Variants in OTULINL observed in about 807,000 individuals in gnomAD.
The protein encoded by OTULINL is OTU deubiquitinase with linear linkage specificity like, also known as inactive ubiquitin thioesterase OTULINL.
Under a neutral mutation model 43.9 loss-of-function variants are expected in OTULINL, and 42 were observed. The observed-to-expected ratio is 0.96, with a 90% CI of 0.75 to 1.24. The LOEUF (loss-of-function observed/expected upper bound fraction) is 1.24. Among genes scored for constraint, OTULINL ranks in the 50% most tolerant of loss-of-function variants. The probability of loss-of-function intolerance (pLI) is 0.00; values close to 1 mark genes in which losing one functional copy is unlikely to be tolerated. For missense variants in OTULINL, 411 were observed against 426.4 expected, an observed-to-expected ratio of 0.96 and a Z score of 0.32; for synonymous variants, 172 against 153.6, an observed-to-expected ratio of 1.12 and a Z score of -0.88.
At chr5:14,587,102 C>T (rs1380754046) in intron 1 of OTULINL, among the ~76,000 whole-genome samples, 2 of 152,186 alleles carry the variant, frequency 1.3e-5, no homozygotes, top group African/African-American at 4.8e-5. Flanking sequence ...TTCTCTGTAG[C>T]ATTTAGTCTC....
chr5:14,590,611 TG>T (rs1759183968), intron 1 of OTULINL, among the ~76,000 whole-genome samples: 1 of 152,152 alleles, frequency 6.6e-6, no homozygotes, highest in African/African-American at 2.4e-5. Context: ...GCTTCTGCAG[TG>T]TGGTCCCATC....
At chr5:14,607,091 G>T (rs543559182) in intron 5 of OTULINL, among the ~76,000 whole-genome samples, 1 of 152,066 alleles carries the variant, frequency 6.6e-6, no homozygotes, top group Non-Finnish European at 1.5e-5. Flanking sequence ...TTAGCTGGGC[G>T]TGGTGGCTCA....
chr5:14,582,324 C>G (rs1759018843), intron 1 of OTULINL, among the ~76,000 whole-genome samples: 1 of 151,986 alleles, frequency 6.6e-6, no homozygotes, highest in Non-Finnish European at 1.5e-5. Context: ...AGGTCGCGCC[C>G]TGCGCCTGGG....
At position 14,612,234 on chromosome 5, in the gene OTULINL, T is replaced by C. The variant is rs17296541; in HGVS notation, c.*1920T>C. On this transcript the variant is annotated 3_prime_UTR_variant, in exon 8 of 8. Coordinates refer to ENST00000274217, the MANE Select transcript of OTULINL (RefSeq NM_019018.3). The stretch of plus-strand genomic sequence containing the variant: ...CATGGGCTGCTGTGGCTGATACTTA[T>C]AGAATTGTTGCTCCAAAATTTTGGC... The C allele has an allele frequency of 0.1, 15,778 of 152,318 alleles. 891 individuals carry two copies. The highest frequency in any genetic ancestry group is 0.15 in the African/African-American group (6,290 of 41,554). The allele number at this position is 152,318 out of a possible 1,614,324, so 9.4% of individuals were successfully genotyped here. A position where few individuals can be genotyped will look rare whatever the true frequency, so the allele number is the denominator to read the frequency against.
intron 1 of OTULINL, among the ~76,000 whole-genome samples, chr5:14,583,413 A>G (rs1759051253): frequency 6.6e-6 from 1 of 152,234 alleles, no homozygotes; most frequent in South Asian, 2.1e-4. Context: ...ACTTTTTATT[A>G]TGTTATTTTC....
intron 1 of OTULINL, among the ~76,000 whole-genome samples, chr5:14,589,893 G>C (rs535531508): frequency 6.6e-6 from 1 of 152,198 alleles, no homozygotes; most frequent in Non-Finnish European, 1.5e-5. Context: ...AGAGGTTGCG[G>C]ATCATGCCAC....
At chr5:14,607,824 G>A (rs532693686) in intron 6 of OTULINL, among the ~76,000 whole-genome samples, 94 of 152,314 alleles carry the variant, frequency 6.2e-4, no homozygotes, top group African/African-American at 2.2e-3. Flanking sequence ...TGGCACAGAT[G>A]TAATAATTTG....
rs1373541112 is a variant in OTULINL at position 14,616,126 on chromosome 5, G to T, written c.*5812G>T. 6.6e-6 allele frequency among the ~76,000 whole-genome samples: 1 copy of T among 152,176 alleles called. No individual in the cohort carries two copies. ...AAGTTTCTAAACACTTTCAGTTTCT[G>T]TACTTAATCTTGCAGTGTGGTAATA... On this transcript the variant is annotated 3_prime_UTR_variant, in exon 8 of 8. Transcript: ENST00000274217.
At position 14,610,450 on chromosome 5, in the gene OTULINL, G is replaced by A; in HGVS notation, c.*136G>A. On this transcript the variant is annotated 3_prime_UTR_variant, in exon 8 of 8. Coordinates refer to ENST00000274217, the MANE Select transcript of OTULINL (RefSeq NM_019018.3). Reference sequence around the variant, plus strand: ...TTTCTTCAGGATTACAGGTACACTGGATGCAGCCATGCATGGATGGTTTTT... The same window carrying A: ...TTTCTTCAGGATTACAGGTACACTGAATGCAGCCATGCATGGATGGTTTTT... 3 of 846,068 alleles carry A rather than the reference G, an allele frequency of 3.5e-6. No individual in the cohort carries two copies. Among genetic ancestry groups the A allele is most frequent in the Admixed American group, 5.5e-5 (2 of 36,174 alleles). The allele number at this position is 846,068 out of a possible 1,614,324, so 52.4% of individuals were successfully genotyped here.
chr5:14,591,907 T>A (rs946326045), intron 1 of OTULINL, among the ~76,000 whole-genome samples: 3 of 151,988 alleles, frequency 2.0e-5, no homozygotes, highest in African/African-American at 7.2e-5. Flanking sequence ...GGGAAAAAAA[T>A]AAAAAGAATA....
intron 1 of OTULINL, among the ~76,000 whole-genome samples, chr5:14,598,890 G>A (rs1027991893): frequency 3.9e-5 from 6 of 152,172 alleles, no homozygotes; most frequent in African/African-American, 1.4e-4. Context: ...TGTACCTACA[G>A]TAAAAGAAAG....
chr5:14,588,062 A>G (rs1343572864), intron 1 of OTULINL, among the ~76,000 whole-genome samples: 1 of 152,090 alleles, frequency 6.6e-6, no homozygotes, highest in African/African-American at 2.4e-5. Flanking sequence ...TGAACTTCCA[A>G]GGGTCGGGGT....
At chr5:14,589,048 C>T (rs185314064) in intron 1 of OTULINL, among the ~76,000 whole-genome samples, 2 of 152,262 alleles carry the variant, frequency 1.3e-5, no homozygotes, top group Admixed American at 6.5e-5. Flanking sequence ...TTACATGATA[C>T]ATTTCGTTCA....
rs777763123 is a variant in OTULINL, at chr5:14,608,804, C to G, written c.684C>G (p.Thr228=). 13 of 1,613,488 alleles carry G rather than the reference C, an allele frequency of 8.1e-6. No homozygotes were observed. The highest frequency in any genetic ancestry group is 1.1e-5 in the South Asian group (1 of 91,064). The stretch of plus-strand genomic sequence containing the variant: ...ACAAGAGAGGAAGTATGTGCAACAC[C>G]CTTTTTTCAGATGCCATTCTGGAAT... ...DYHKRGSMCN[T]LFSDAILEYK... The change falls in exon 7 of 8, where the codon ACC becomes ACG. Residue 228 remains threonine (T), a synonymous_variant. Transcript: ENST00000274217.
At chr5:14,582,877 G>A (rs1759038353) in intron 1 of OTULINL, among the ~76,000 whole-genome samples, 1 of 150,544 alleles carries the variant, frequency 6.6e-6, no homozygotes, top group African/African-American at 2.4e-5. Context: ...TGGGAGTTCA[G>A]TCAGGTGCTG....
rs138278424 is a variant in OTULINL, at chr5:14,612,366, A to C, written c.*2052A>C. The C allele has an allele frequency of 5.3e-5, 8 of 152,308 alleles. No homozygotes were observed. In the East Asian group the frequency reaches 1.5e-3, roughly 29 times the overall value. The allele number at this position is 152,308 out of a possible 1,614,324, so 9.4% of individuals were successfully genotyped here. A position where few individuals can be genotyped will look rare whatever the true frequency, so the allele number is the denominator to read the frequency against. On this transcript the variant is annotated 3_prime_UTR_variant, in exon 8 of 8. Transcript: ENST00000274217. ...CACATCAATCCAGGACTGAAAGGAA[A>C]AATTTTTTCACCAGGATTGGCAGCC...
chr5:14,609,693 C>A (rs1430740826), intron 7 of OTULINL, among the ~76,000 whole-genome samples: 3 of 145,128 alleles, frequency 2.1e-5, no homozygotes, highest in African/African-American at 7.7e-5. Context: ...TGCTGTGGCG[C>A]GATCTCCGCT....
intron 1 of OTULINL, among the ~76,000 whole-genome samples, chr5:14,600,429 A>G (rs1168514436): frequency 6.6e-6 from 1 of 152,240 alleles, no homozygotes; most frequent in Non-Finnish European, 1.5e-5. Flanking sequence ...AGGCATCGCT[A>G]GACGTCACCT....
chr5:14,609,317 A>T (rs1759534331), intron 7 of OTULINL, among the ~76,000 whole-genome samples: 1 of 152,202 alleles, frequency 6.6e-6, no homozygotes, highest in South Asian at 2.1e-4. Context: ...ACCAGGAAAA[A>T]GTCCAGGTGG....
Sources: allele counts gnomAD v4.1 joint callset (sites outside exome capture counted in the v4.1 genomes callset), GRCh38; gene constraint gnomAD v4.1.1; transcripts MANE v1.5; gene names NCBI Gene and HGNC (gene_info 2026-07-23, HGNC 2026-07-21).